Variants in TRIM38 observed in about 807,000 individuals in gnomAD.
TRIM38 encodes tripartite motif containing 38.
Under a neutral mutation model 35.8 loss-of-function variants are expected in TRIM38, and 35 were observed. The ratio of observed to expected loss-of-function variants is 0.98; its 90% confidence interval spans 0.75 to 1.30. The LOEUF (loss-of-function observed/expected upper bound fraction) is 1.30, where lower values mean the gene tolerates loss of function less well. Ranked by LOEUF, TRIM38 falls within the 50% of genes most tolerant of loss-of-function variation. TRIM38 has a pLI of 0.00. For synonymous variants in TRIM38, 198 were observed against 204.7 expected, an observed-to-expected ratio of 0.97 and a Z score of 0.28; for missense variants, 545 against 556.9, an observed-to-expected ratio of 0.98 and a Z score of 0.21.
In TRIM38 at chr6:25,973,157, C is replaced by T. The variant is rs1230416884; in HGVS notation, c.762-16C>T. The T allele has an allele frequency of 6.2e-7, 1 of 1,614,092 alleles. No individual in the cohort carries two copies. The highest frequency in any genetic ancestry group is 1.3e-5 in the African/African-American group (1 of 75,022). On this transcript the variant is annotated splice_polypyrimidine_tract_variant and intron_variant, in intron 6 of 7. Coordinates refer to ENST00000357085, the MANE Select transcript of TRIM38 (RefSeq NM_006355.5). Reference sequence around the variant, plus strand: ...AATGCACCTCTGAAGAAATCTCTCGCCTCTGCTTATTCTAGGAGTTGGGCT... The same window carrying T: ...AATGCACCTCTGAAGAAATCTCTCGTCTCTGCTTATTCTAGGAGTTGGGCT...
At position 25,966,541 on chromosome 6, in the gene TRIM38, A is replaced by C; in HGVS notation, c.19A>C (p.Thr7Pro). The C allele has an allele frequency of 6.2e-7, 1 of 1,610,768 alleles. No individual in the cohort carries two copies. The highest frequency in any genetic ancestry group is 8.5e-7 in the Non-Finnish European group (1 of 1,177,690). The stretch of plus-strand genomic sequence containing the variant: ...AAAAGCTATGGCCTCAACCACCAGC[A>C]CCAAGAAGATGATGGAGGAAGCCAC... MASTTS[T>P]KKMMEEATCS... Residue 7 changes from threonine (T) to proline (P), a missense_variant, in exon 3 of 8, where the codon ACC becomes CCC. Thr to Pro is a conservative substitution (Grantham distance 38). Transcript: ENST00000357085.
At position 25,989,242 on chromosome 6, in the gene TRIM38, ATT is replaced by A. The variant is rs2113635815; in HGVS notation, c.*5558_*5559del. On this transcript the variant is annotated 3_prime_UTR_variant, in exon 8 of 8. Coordinates refer to ENST00000357085, the MANE Select transcript of TRIM38 (RefSeq NM_006355.5). The stretch of plus-strand genomic sequence containing the variant: ...TCATTGGCCTGCTTTAAATCAGGTT[ATT>A]TTCTTACTGTTGAGTTTTAAGTATT... The A allele has an allele frequency of 6.6e-6, 1 of 152,248 alleles. No homozygotes were observed. Among genetic ancestry groups the A allele is most frequent in the Non-Finnish European group, 1.5e-5 (1 of 68,004 alleles). 9.4% of individuals were successfully genotyped at this position (152,248 alleles called of 1,614,324 possible).
At chr6:25,973,696 A>T in intron 7 of TRIM38, 1 of 985,450 alleles carries the variant, frequency 1.0e-6, no homozygotes, top group Admixed American at 6.1e-5. Flanking sequence ...AGTGTTTATT[A>T]TCAATAGCTC....
chr6:25,973,901 T>G, intron 7 of TRIM38: 1 of 983,390 alleles, frequency 1.0e-6, no homozygotes, highest in Non-Finnish European at 1.2e-6. Context: ...CTTTCACAAA[T>G]TTGTATCCGT....
rs764277576 is a variant in TRIM38, at chr6:25,983,155, G to A, written c.875-9G>A. On this transcript the variant is annotated splice_polypyrimidine_tract_variant and intron_variant, in intron 7 of 7. Coordinates refer to ENST00000357085, the MANE Select transcript of TRIM38 (RefSeq NM_006355.5). ...AAATTATTTTTGTTTGTTTTGTTTT[G>A]TTTTGCAGTTAGTGTGACTCTGGAT... is the stretch of plus-strand genomic sequence containing the variant. 12 of 1,551,820 alleles carry A rather than the reference G, an allele frequency of 7.7e-6. No individual in the cohort carries two copies. The highest frequency in any genetic ancestry group is 1.0e-5 in the Non-Finnish European group (12 of 1,150,936).
intron 5 of TRIM38, 58 bp from the exon 6 acceptor site, chr6:25,972,996 C>T (rs533977580): frequency 2.5e-6 from 4 of 1,609,118 alleles, no homozygotes; most frequent in East Asian, 2.2e-5. Flanking sequence ...CCCTGCATGA[C>T]AAGCCCCATG....
chr6:25,964,647 C>G (rs1019770052), intron 2 of TRIM38, among the ~76,000 whole-genome samples: 1 of 152,090 alleles, frequency 6.6e-6, no homozygotes, highest in African/African-American at 2.4e-5. Flanking sequence ...AAAGTCTCTT[C>G]CAGCATCTGC....
chr6:25,969,377 C>T lies in TRIM38; in HGVS notation c.464C>T (p.Thr155Met), dbSNP rs771256360. 84 of 1,612,570 alleles carry T rather than the reference C, an allele frequency of 5.2e-5. 1 individual carries two copies. Among genetic ancestry groups the T allele is most frequent in the Middle Eastern group, 1.6e-4 (1 of 6,082 alleles). The change falls in exon 4 of 8, where the codon ACG (threonine) becomes ATG (methionine). Residue 155 changes from threonine to methionine, a missense_variant. By Grantham distance (81) the Thr-to-Met change is moderately conservative. Coordinates refer to ENST00000357085, the MANE Select transcript of TRIM38 (RefSeq NM_006355.5). Reference protein sequence around the residue: ...TKLKQLEDRCTEQKLSTAMRI... With the variant: ...TKLKQLEDRCMEQKLSTAMRI... The stretch of plus-strand genomic sequence containing the variant: ...CTGAAGCAACTTGAAGACAGATGTA[C>T]GGAGCAGAAGCTGTCCACAGCAATG...
In TRIM38 at chr6:25,972,004, T is replaced by A; in HGVS notation, c.643T>A (p.Tyr215Asn). The A allele has an allele frequency of 6.2e-7, 1 of 1,614,088 alleles. No individual in the cohort carries two copies. Among genetic ancestry groups the A allele is most frequent in the South Asian group, 1.1e-5 (1 of 91,086 alleles). Residue 215 changes from tyrosine (Y) to asparagine (N), a missense_variant, in exon 5 of 8, where the codon TAT (tyrosine) becomes AAT (asparagine). Physicochemically the swap from Tyr to Asn is moderately radical, Grantham distance 143. Coordinates refer to ENST00000357085, the MANE Select transcript of TRIM38 (RefSeq NM_006355.5). ...EQQTLSRLRDYEAGLGLKSNE... is the reference protein window; with the variant it reads ...EQQTLSRLRDNEAGLGLKSNE... ...ACAGACTCTGAGTAGACTGAGGGAC[T>A]ATGAGGCTGGTCTGGGGCTGAAGAG...
rs188434754 is a variant in TRIM38 at position 25,983,159 on chromosome 6, T to G, written c.875-5T>G. 2.6e-4 allele frequency: 404 copies of G among 1,554,976 alleles called. 7 individuals carry two copies. In the East Asian group the frequency reaches 8.9e-3, roughly 34 times the overall value. On this transcript the variant is annotated splice_region_variant and splice_polypyrimidine_tract_variant and intron_variant, in intron 7 of 7. Transcript: ENST00000357085. ...TATTTTTGTTTGTTTTGTTTTGTTT[T>G]GCAGTTAGTGTGACTCTGGATCCAG...
intron 2 of TRIM38, among the ~76,000 whole-genome samples, chr6:25,965,799 A>G (rs1235847791): frequency 6.6e-6 from 1 of 151,802 alleles, no homozygotes. Context: ...ACACCTGTAG[A>G]CCCAGCTACT....
rs1356853223 is a variant in TRIM38 at position 25,986,899 on chromosome 6, G to T, written c.*3212G>T. Reference sequence around the variant, plus strand: ...GGAAAAAAGGACACAAAAGTAGGGTGAAGAGCATGTGTGCAACAGCTCTCT... The same window carrying T: ...GGAAAAAAGGACACAAAAGTAGGGTTAAGAGCATGTGTGCAACAGCTCTCT... On this transcript the variant is annotated 3_prime_UTR_variant, in exon 8 of 8. Transcript: ENST00000357085. The T allele has an allele frequency of 6.6e-6, 1 of 152,198 alleles. No individual in the cohort carries two copies. Among genetic ancestry groups the T allele is most frequent in the Non-Finnish European group, 1.5e-5 (1 of 68,044 alleles). 9.4% of individuals were successfully genotyped at this position (152,198 alleles called of 1,614,324 possible).
rs1561905738 is a variant in TRIM38, at chr6:25,987,201, T to TCCC, written c.*3516_*3518dup. ...TGATATAAAAGCTTAACAAAGGTAC[T>TCCC]CCCCGCCCCCCGCCCGCCACACACC... On this transcript the variant is annotated 3_prime_UTR_variant, in exon 8 of 8. Coordinates refer to ENST00000357085, the MANE Select transcript of TRIM38 (RefSeq NM_006355.5). 19 of 68,942 alleles carry TCCC rather than the reference T, an allele frequency of 2.8e-4. No homozygotes were observed. Among genetic ancestry groups the TCCC allele is most frequent in the African/African-American group, 8.8e-4 (16 of 18,118 alleles). The allele number at this position is 68,942 out of a possible 1,614,324, so 4.3% of individuals were successfully genotyped here. A position where few individuals can be genotyped will look rare whatever the true frequency, so the allele number is the denominator to read the frequency against.
intron 7 of TRIM38, among the ~76,000 whole-genome samples, chr6:25,981,691 G>A (rs1760549203): frequency 6.6e-6 from 1 of 152,166 alleles, no homozygotes; most frequent in Admixed American, 6.5e-5. Flanking sequence ...ACAATTAAAA[G>A]TCATGGGACT....
In TRIM38 at chr6:25,983,710, G is replaced by C; in HGVS notation, c.*23G>C. The stretch of plus-strand genomic sequence containing the variant: ...TAAGGAAAAGAGCAGAAGCTCCTTG[G>C]TTTAACCAGCACAGAGAAAATAATA... On this transcript the variant is annotated 3_prime_UTR_variant, in exon 8 of 8. Transcript: ENST00000357085. The C allele has an allele frequency of 6.5e-7, 1 of 1,541,674 alleles. No individual in the cohort carries two copies. Among genetic ancestry groups the C allele is most frequent in the Non-Finnish European group, 8.7e-7 (1 of 1,150,630 alleles).
chr6:25,982,841 C>T (rs954550334), intron 7 of TRIM38, among the ~76,000 whole-genome samples: 16 of 152,190 alleles, frequency 1.1e-4, no homozygotes, highest in Non-Finnish European at 2.1e-4. Context: ...TAATCCAGCA[C>T]TTTGGGAGGC....
intron 2 of TRIM38, among the ~76,000 whole-genome samples, chr6:25,964,604 T>C (rs1439273365): frequency 6.6e-6 from 1 of 152,158 alleles, no homozygotes; most frequent in Non-Finnish European, 1.5e-5. Flanking sequence ...GTTCTTCTTG[T>C]CTAGTGTGAC....
chr6:25,963,914 A>AAACAACAACAAC (rs55782472), intron 2 of TRIM38, among the ~76,000 whole-genome samples: 55,140 of 150,990 alleles, frequency 0.37, 10,851 homozygotes, highest in East Asian at 0.72. Flanking sequence ...CTGAAAGCAA[A>AAACAACAACAAC]AACAACAACA....
chr6:25,978,440 A>G lies in TRIM38; in HGVS notation c.875-4724A>G, dbSNP rs536875572. 1.2e-4 allele frequency among the ~76,000 whole-genome samples: 18 copies of G among 152,228 alleles called. No individual in the cohort carries two copies. In the South Asian group the frequency reaches 3.7e-3, roughly 32 times the overall value. ...GAAGGAATACTATATATCTAATAAGATGTAATCTATATTATATATAAAAGT... is the reference window on the plus strand; with the variant it reads ...GAAGGAATACTATATATCTAATAAGGTGTAATCTATATTATATATAAAAGT... On this transcript the variant is annotated intron_variant, in intron 7 of 7. Transcript: ENST00000357085.
Sources: gnomAD v4.1 joint callset for allele counts (sites outside exome capture counted in the v4.1 genomes callset) on GRCh38, gnomAD v4.1.1 for gene constraint, MANE v1.5 for transcripts, NCBI Gene and HGNC (gene_info 2026-07-23, HGNC 2026-07-21) for gene names.